CSMD2: variants seen among roughly 807,000 people sequenced by gnomAD.
CSMD2 encodes the protein CUB and sushi domain-containing protein 2.
CSMD2 carries 130 observed loss-of-function variants against 398.5 expected under a neutral mutation model. The ratio of observed to expected loss-of-function variants is 0.33; its 90% confidence interval spans 0.28 to 0.38. CSMD2 has a LOEUF of 0.38. CSMD2 is among the 10% of genes least tolerant of loss of function. The pLI, the probability that CSMD2 is intolerant of heterozygous loss-of-function variation, is 1.00. For missense variants in CSMD2, 3,829 were observed against 4,764.9 expected, an observed-to-expected ratio of 0.80 and a Z score of 5.78; for synonymous variants, 1,828 against 1,908.5, an observed-to-expected ratio of 0.96 and a Z score of 1.10.
At chr1:33,764,239 G>C (rs1027699455) in intron 13 of CSMD2, among the ~76,000 whole-genome samples, 4 of 152,102 alleles carry the variant, frequency 2.6e-5, no homozygotes, top group Non-Finnish European at 5.9e-5. Context: ...CCTTCATCCA[G>C]GGTCAGCTCT....
At position 33,583,168 on chromosome 1, in the gene CSMD2, A is replaced by C. The variant is rs996349195; in HGVS notation, c.7240+474T>G. On this transcript the variant is annotated intron_variant, in intron 47 of 70. Transcript: ENST00000373381. ...ACTTTTCAAGATGCATGTGCTCCAGAGGGTAAGAGGTAAATCCTACAAAGT... is the reference window on the plus strand; with the variant it reads ...ACTTTTCAAGATGCATGTGCTCCAGCGGGTAAGAGGTAAATCCTACAAAGT... Among the ~76,000 whole-genome samples the C allele has an allele frequency of 3.3e-5, 5 of 152,354 alleles. 1 individual carries two copies. In the South Asian group the frequency reaches 1.0e-3, roughly 32 times the overall value.
intron 6 of CSMD2, among the ~76,000 whole-genome samples, chr1:33,841,215 C>T (rs1171093930): frequency 1.3e-5 from 2 of 152,038 alleles, no homozygotes; most frequent in East Asian, 1.9e-4. Flanking sequence ...AAGGGAGGGG[C>T]CAAATGACGA....
chr1:34,078,811 A>C (rs534533111), intron 2 of CSMD2, among the ~76,000 whole-genome samples: 1 of 152,196 alleles, frequency 6.6e-6, no homozygotes, highest in Non-Finnish European at 1.5e-5. Flanking sequence ...ATTTCACTGG[A>C]GACTGAAATT....
intron 44 of CSMD2, among the ~76,000 whole-genome samples, chr1:33,591,472 G>A (rs910007216): frequency 6.6e-6 from 1 of 152,082 alleles, no homozygotes; most frequent in Non-Finnish European, 1.5e-5. Flanking sequence ...CACAAGGAGT[G>A]GTGAGTGTGG....
intron 41 of CSMD2, among the ~76,000 whole-genome samples, chr1:33,608,058 G>A (rs986117907): frequency 3.9e-5 from 6 of 152,150 alleles, no homozygotes; most frequent in African/African-American, 9.7e-5. Context: ...TTGGCTTGTC[G>A]TCCAGGAAAC....
At chr1:34,090,793 C>A (rs1249304047) in intron 1 of CSMD2, among the ~76,000 whole-genome samples, 1 of 152,234 alleles carries the variant, frequency 6.6e-6, no homozygotes, top group Non-Finnish European at 1.5e-5. Flanking sequence ...GTCATGCCAA[C>A]CTCCCAAATG....
intron 3 of CSMD2, among the ~76,000 whole-genome samples, chr1:33,970,059 T>A (rs1358620167): frequency 1.4e-5 from 2 of 146,562 alleles, no homozygotes; most frequent in African/African-American, 5.1e-5. Context: ...TAAGCCGAGA[T>A]CACGCCATTG....
At chr1:33,625,865 T>C (rs1222193478) in intron 33 of CSMD2, among the ~76,000 whole-genome samples, 3 of 152,178 alleles carry the variant, frequency 2.0e-5, no homozygotes, top group African/African-American at 7.2e-5. Context: ...GGTTGGGACC[T>C]GGGGGTGAAA....
intron 3 of CSMD2, among the ~76,000 whole-genome samples, chr1:33,965,860 G>A (rs1345474498): frequency 1.3e-5 from 2 of 152,198 alleles, no homozygotes; most frequent in Non-Finnish European, 2.9e-5. Flanking sequence ...CACATTAGAA[G>A]CACATCCTTT....
At chr1:33,916,561 A>C (rs112132987) in intron 5 of CSMD2, among the ~76,000 whole-genome samples, 5,747 of 152,118 alleles carry the variant, frequency 0.038, 336 homozygotes, top group African/African-American at 0.13. Context: ...GTCCTCACTC[A>C]CCTGTGCTTC....
In CSMD2 at chr1:33,739,346, G is replaced by C; in HGVS notation, c.2174-12C>G. 6.2e-7 allele frequency: 1 copy of C among 1,603,872 alleles called. No individual in the cohort carries two copies. On this transcript the variant is annotated splice_polypyrimidine_tract_variant and intron_variant, in intron 14 of 70. Transcript: ENST00000373381. ...GTTGTGTCGGAAGGCTGTGTAGATGGAGTTCAAGGACATGATCAGACATTG... is the reference window on the plus strand; with the variant it reads ...GTTGTGTCGGAAGGCTGTGTAGATGCAGTTCAAGGACATGATCAGACATTG...
intron 40 of CSMD2, 122 bp downstream of exon 40, chr1:33,614,380 CAG>C (rs1424677545): frequency 1.5e-6 from 1 of 671,074 alleles, no homozygotes; most frequent in Non-Finnish European, 2.8e-6. Context: ...GATGAGAAAA[CAG>C]AGAGGCAGAG....
chr1:33,776,267 A>G (rs927716395), intron 12 of CSMD2, among the ~76,000 whole-genome samples: 4 of 152,214 alleles, frequency 2.6e-5, no homozygotes, highest in African/African-American at 9.6e-5. Context: ...GGAGAGAGGC[A>G]TGGGACTGAG....
At chr1:33,701,304 G>A (rs981884386) in intron 22 of CSMD2, among the ~76,000 whole-genome samples, 2 of 152,196 alleles carry the variant, frequency 1.3e-5, no homozygotes, top group African/African-American at 4.8e-5. Context: ...CTTGCCAAGG[G>A]TGGAATCGTA....
rs192973102 is a variant in CSMD2 at position 33,782,561 on chromosome 1, C to T, written c.1663+6039G>A. On this transcript the variant is annotated intron_variant, in intron 12 of 70. Coordinates refer to ENST00000373381, the MANE Select transcript of CSMD2 (RefSeq NM_001281956.2). ...TGGGTTTGCCCAACCCCAAATCCTA[C>T]AGGGACAATAGAGAATGCATGGGCT... is the stretch of plus-strand genomic sequence containing the variant. Among the ~76,000 whole-genome samples, 33 of 152,302 alleles carry T rather than the reference C, an allele frequency of 2.2e-4. 1 individual carries two copies. The highest frequency in any genetic ancestry group is 1.5e-5 in the Non-Finnish European group (1 of 68,028).
At chr1:33,892,565 T>C (rs533792838) in intron 5 of CSMD2, among the ~76,000 whole-genome samples, 169 of 152,184 alleles carry the variant, frequency 1.1e-3, no homozygotes, top group Non-Finnish European at 2.2e-3. Flanking sequence ...AGTGAGAACA[T>C]ACGGCATTTG....
intron 3 of CSMD2, 135 bp from the exon 4 acceptor site, chr1:33,936,089 C>G: frequency 1.5e-6 from 1 of 673,360 alleles, no homozygotes. Context: ...AACAGCATTG[C>G]CCACTGCTGA....
chr1:33,620,413 G>A (rs774688299), intron 37 of CSMD2, among the ~76,000 whole-genome samples: 4 of 152,168 alleles, frequency 2.6e-5, no homozygotes, highest in African/African-American at 7.2e-5. Context: ...CTGTTTCTCC[G>A]TAGCTCTTCC....
chr1:33,836,301 T>C (rs1425939515), intron 6 of CSMD2, among the ~76,000 whole-genome samples: 2 of 152,214 alleles, frequency 1.3e-5, no homozygotes, highest in African/African-American at 4.8e-5. Flanking sequence ...GTTAGGCTAC[T>C]CGGGGGTCAG....
Sources: allele counts gnomAD v4.1 joint callset (sites outside exome capture counted in the v4.1 genomes callset), GRCh38; gene constraint gnomAD v4.1.1; transcripts MANE v1.5; gene names NCBI Gene and HGNC (gene_info 2026-07-23, HGNC 2026-07-21).